Variants in CLHC1 observed in about 807,000 individuals in gnomAD.
CLHC1 encodes clathrin heavy chain linker domain-containing protein 1.
In CLHC1, 72 loss-of-function variants were observed where a neutral mutation model predicts 69.5. The ratio of observed to expected loss-of-function variants is 1.04; its 90% confidence interval spans 0.86 to 1.26. CLHC1 has a LOEUF of 1.26. CLHC1 is among the 50% of genes most tolerant of loss of function. The pLI is 0.00. For synonymous variants in CLHC1, 223 were observed against 224.3 expected (o/e 0.99, Z 0.05); for missense variants, 790 against 679.3 (o/e 1.16, Z -1.81).
chr2:55,181,096 T>C (rs1156633210), intron 10 of CLHC1, among the ~76,000 whole-genome samples: 1 of 152,144 alleles, frequency 6.6e-6, no homozygotes, highest in Non-Finnish European at 1.5e-5. Context: ...TTCTCCTGCC[T>C]CAGCTTCCTG....
chr2:55,187,227 C>T (rs1419695220), intron 9 of CLHC1, among the ~76,000 whole-genome samples: 5 of 151,280 alleles, frequency 3.3e-5, no homozygotes, highest in African/African-American at 9.7e-5. Context: ...TGCAGTGGGC[C>T]GGGATCGCGC....
chr2:55,178,908 T>C (rs1416308906), intron 11 of CLHC1, among the ~76,000 whole-genome samples: 2 of 138,262 alleles, frequency 1.4e-5, no homozygotes, highest in Non-Finnish European at 3.1e-5. Context: ...TCCATTTTAT[T>C]TTTTAAAAAA....
At position 55,208,609 on chromosome 2, in the gene CLHC1, G is replaced by A. The variant is rs1180347991; in HGVS notation, c.899+17C>T. The stretch of plus-strand genomic sequence containing the variant: ...AAAAATATAATTCTGAAAAATTAAA[G>A]CTTTTAAAATATTTGCCTTTCAATG... On this transcript the variant is annotated intron_variant, in intron 8 of 12. Transcript: ENST00000401408. The A allele has an allele frequency of 1.3e-6, 2 of 1,505,306 alleles. No homozygotes were observed. The highest frequency in any genetic ancestry group is 1.8e-6 in the Non-Finnish European group (2 of 1,085,396). 93.2% of individuals were successfully genotyped at this position (1,505,306 alleles called of 1,614,324 possible).
intron 10 of CLHC1, 51 bp from the exon 11 acceptor site, chr2:55,180,763 G>T: frequency 6.9e-7 from 1 of 1,439,184 alleles, no homozygotes; most frequent in Non-Finnish European, 9.8e-7. Flanking sequence ...CTGATGAGTG[G>T]CTGAGACTGA....
intron 9 of CLHC1, among the ~76,000 whole-genome samples, chr2:55,193,784 A>C (rs1043185129): frequency 6.6e-6 from 1 of 152,220 alleles, no homozygotes; most frequent in Non-Finnish European, 1.5e-5. Flanking sequence ...TCTACCTAAA[A>C]GAAATAAAAA....
At chr2:55,191,535 G>A (rs1670930630) in intron 9 of CLHC1, among the ~76,000 whole-genome samples, 3 of 152,202 alleles carry the variant, frequency 2.0e-5, no homozygotes, top group Admixed American at 1.3e-4. Flanking sequence ...CGCCCAGCCA[G>A]AAAAATAGAT....
chr2:55,191,882 C>CT (rs1449205767), intron 9 of CLHC1, among the ~76,000 whole-genome samples: 1 of 152,012 alleles, frequency 6.6e-6, no homozygotes, highest in East Asian at 1.9e-4. Flanking sequence ...CACACCTGCA[C>CT]TCCCAGTTAC....
chr2:55,209,283 C>A (rs1672751837), intron 7 of CLHC1, 121 bp downstream of exon 7: 1 of 635,160 alleles, frequency 1.6e-6, no homozygotes, highest in Non-Finnish European at 2.8e-6. Context: ...GCGTAACAGA[C>A]AACCAGCTGA....
intron 9 of CLHC1, among the ~76,000 whole-genome samples, chr2:55,202,757 G>T (rs1394360053): frequency 6.6e-6 from 1 of 151,488 alleles, no homozygotes; most frequent in Non-Finnish European, 1.5e-5. Flanking sequence ...AAGTTAGCTG[G>T]GCATGGTGGT....
intron 8 of CLHC1, 134 bp from the exon 9 acceptor site, chr2:55,206,510 A>G: frequency 1.5e-6 from 1 of 645,410 alleles, no homozygotes; most frequent in Non-Finnish European, 2.7e-6. Context: ...CTAATAAACT[A>G]TAACTAGAAT....
At chr2:55,194,425 A>G (rs1436013153) in intron 9 of CLHC1, among the ~76,000 whole-genome samples, 1 of 152,184 alleles carries the variant, frequency 6.6e-6, no homozygotes, top group Non-Finnish European at 1.5e-5. Context: ...GGCATATATG[A>G]AAAACCTATA....
intron 9 of CLHC1, among the ~76,000 whole-genome samples, chr2:55,203,552 T>C (rs577524790): frequency 3.9e-5 from 6 of 152,192 alleles, no homozygotes; most frequent in East Asian, 1.9e-4. Flanking sequence ...CAAGAACATA[T>C]ACTGGGGAAA....
rs865898026 is a variant in CLHC1, at chr2:55,226,147, G to T, written c.-83+1885C>A. On this transcript the variant is annotated intron_variant, in intron 2 of 12. Transcript: ENST00000401408. ...GCGGAGGTTGCAGTGAGCCAAGATC[G>T]CACCACTGCACTCCAGCCTGGGCAA... Among the ~76,000 whole-genome samples the T allele has an allele frequency of 2.0e-5, 3 of 149,430 alleles. No homozygotes were observed. The South Asian group carries it at 6.3e-4, about 31-fold the overall frequency.
At chr2:55,179,457 T>C in intron 11 of CLHC1, among the ~76,000 whole-genome samples, 1 of 152,122 alleles carries the variant, frequency 6.6e-6, no homozygotes, top group Non-Finnish European at 1.5e-5. Context: ...ATTTGTAACT[T>C]AAAAAAACAA....
At chr2:55,230,699 G>A (rs1230624103) in intron 1 of CLHC1, among the ~76,000 whole-genome samples, 1 of 152,122 alleles carries the variant, frequency 6.6e-6, no homozygotes, top group Non-Finnish European at 1.5e-5. Context: ...TGAAGTCTTT[G>A]AAAGGTTTTC....
chr2:55,231,920 C>T (rs1272654558), intron 1 of CLHC1: 1 of 152,212 alleles, frequency 6.6e-6, no homozygotes, highest in Non-Finnish European at 1.5e-5. Context: ...AGACTCTTCC[C>T]TAGGCTGGGA....
At chr2:55,201,256 T>C (rs1428692588) in intron 9 of CLHC1, among the ~76,000 whole-genome samples, 1 of 147,224 alleles carries the variant, frequency 6.8e-6, no homozygotes, top group Non-Finnish European at 1.5e-5. Context: ...AAAAAAAAAA[T>C]TGACAAATCC....
chr2:55,193,049 CCCG>C (rs1185258351), intron 9 of CLHC1, among the ~76,000 whole-genome samples: 1 of 132,362 alleles, frequency 7.6e-6, no homozygotes, highest in Non-Finnish European at 1.6e-5. Flanking sequence ...CGCCACCACA[CCCG>C]GCGGCTAATT....
In CLHC1 at chr2:55,173,902, C is replaced by T. The variant is rs998541380; in HGVS notation, c.*1888G>A. On this transcript the variant is annotated 3_prime_UTR_variant, in exon 13 of 13. Coordinates refer to ENST00000401408, the MANE Select transcript of CLHC1 (RefSeq NM_152385.4). ...ACAACAACCGCTGTTTAAGCTTTCTCTAGATTTATATACCTACTTTATCCT... is the reference window on the plus strand; with the variant it reads ...ACAACAACCGCTGTTTAAGCTTTCTTTAGATTTATATACCTACTTTATCCT... Among the ~76,000 whole-genome samples the T allele has an allele frequency of 3.3e-5, 5 of 151,122 alleles. No homozygotes were observed. The highest frequency in any genetic ancestry group is 1.2e-4 in the African/African-American group (5 of 41,080).
Sources: allele counts gnomAD v4.1 joint callset (sites outside exome capture counted in the v4.1 genomes callset), GRCh38; gene constraint gnomAD v4.1.1; transcripts MANE v1.5; gene names NCBI Gene and HGNC (gene_info 2026-07-23, HGNC 2026-07-21).